LARP4B: variants seen among roughly 807,000 people sequenced by gnomAD.
LARP4B encodes the protein La ribonucleoprotein 4B, also known as la-related protein 4B.
Under a neutral mutation model 89.8 loss-of-function variants are expected in LARP4B, and 12 were observed. That is an observed-to-expected ratio of 0.13 (90% confidence interval 0.09 to 0.22). The LOEUF (loss-of-function observed/expected upper bound fraction) is 0.22, where lower values mean the gene tolerates loss of function less well. Ranked by LOEUF, LARP4B falls within the 10% of genes least tolerant of loss-of-function variation. The probability of loss-of-function intolerance (pLI) is 1.00; values close to 1 mark genes in which losing one functional copy is unlikely to be tolerated. For synonymous variants in LARP4B, 367 were observed against 363.3 expected (o/e 1.01, Z -0.12); for missense variants, 757 against 947.7 (o/e 0.80, Z 2.64).
At chr10:818,054 C>T (rs1832157101) in intron 14 of LARP4B, 165 bp from the exon 15 acceptor site, 1 of 633,454 alleles carries the variant, frequency 1.6e-6, no homozygotes, top group Non-Finnish European at 2.7e-6. Context: ...CTTCAACCAT[C>T]TAGAGCAGAG....
At chr10:864,864 A>T (rs1834817717) in intron 3 of LARP4B, among the ~76,000 whole-genome samples, 2 of 152,112 alleles carry the variant, frequency 1.3e-5, no homozygotes, top group Admixed American at 1.3e-4. Flanking sequence ...GAGGCAGGAG[A>T]ATCACTTGAA....
chr10:825,344 G>A, intron 12 of LARP4B, 28 bp from the exon 13 acceptor site: 1 of 1,608,062 alleles, frequency 6.2e-7, no homozygotes, highest in Non-Finnish European at 8.5e-7. Context: ...TTTATGTGTT[G>A]AGTTATAAAA....
At chr10:971,835 A>G in the LARP4B span, 1 of 153,326 alleles carries the variant, frequency 6.5e-6, no homozygotes, top group Non-Finnish European at 1.5e-5. Flanking sequence ...CAATGTTCTG[A>G]GCGCGGAGTC....
chr10:976,832 T>C, the LARP4B span, among the ~76,000 whole-genome samples: 1 of 150,052 alleles, frequency 6.7e-6, no homozygotes, highest in South Asian at 2.1e-4. Flanking sequence ...AAGGTAGGCC[T>C]GTCATGTAAC....
the LARP4B span, among the ~76,000 whole-genome samples, chr10:966,778 CACAG>C: frequency 1.3e-5 from 2 of 152,202 alleles, no homozygotes; most frequent in Non-Finnish European, 2.9e-5. Flanking sequence ...CTCTGGACCA[CACAG>C]AGAGAGGTAG....
At chr10:864,312 A>G in intron 3 of LARP4B, 42 bp from the exon 4 acceptor site, 1 of 1,606,874 alleles carries the variant, frequency 6.2e-7, no homozygotes, top group Non-Finnish European at 8.5e-7. Context: ...CCAAATGTCA[A>G]CCAAATACAA....
At chr10:859,162 TA>T (rs1197617016) in intron 5 of LARP4B, among the ~76,000 whole-genome samples, 1 of 151,702 alleles carries the variant, frequency 6.6e-6, no homozygotes, top group African/African-American at 2.4e-5. Flanking sequence ...ACCTGTAATC[TA>T]GGCTACTTGG....
chr10:874,828 G>C (rs1835393837), intron 3 of LARP4B, among the ~76,000 whole-genome samples: 1 of 152,082 alleles, frequency 6.6e-6, no homozygotes, highest in South Asian at 2.1e-4. Flanking sequence ...TAAAATTCAA[G>C]TACTGAAATC....
At position 811,958 on chromosome 10, in the gene LARP4B, A is replaced by G. The variant is rs1831754216; in HGVS notation, c.*968T>C. On this transcript the variant is annotated 3_prime_UTR_variant, in exon 18 of 18. Coordinates refer to ENST00000316157, the MANE Select transcript of LARP4B (RefSeq NM_015155.3). ...CTCCACCAGCCAAAGAGGGGGAAAAACCACAAACACCATTCTCTCACGATT... is the reference window on the plus strand; with the variant it reads ...CTCCACCAGCCAAAGAGGGGGAAAAGCCACAAACACCATTCTCTCACGATT... 2.0e-5 allele frequency: 3 copies of G among 152,334 alleles called. No individual in the cohort carries two copies. The highest frequency in any genetic ancestry group is 2.0e-4 in the Admixed American group (3 of 15,278). 9.4% of individuals were successfully genotyped at this position (152,334 alleles called of 1,614,324 possible).
Position 909,016 on chromosome 10 carries a change from C to T in LARP4B, c.-40+22412G>A, listed in dbSNP as rs572893996. Among the ~76,000 whole-genome samples, 313 of 152,048 alleles carry T rather than the reference C, an allele frequency of 2.1e-3. 2 individuals carry two copies. The highest frequency in any genetic ancestry group is 0.014 in the South Asian group (68 of 4,814). On this transcript the variant is annotated intron_variant, in intron 1 of 17. Coordinates refer to ENST00000316157, the MANE Select transcript of LARP4B (RefSeq NM_015155.3). ...GAGCTATGAAATTCCAAGTTGCGGC[C>T]AGGCGCGGTGGCTCATGCCTGTAAT...
chr10:814,857 A>G lies in LARP4B; in HGVS notation c.1821-7T>C. 6.3e-7 allele frequency: 1 copy of G among 1,588,072 alleles called. No homozygotes were observed. Among genetic ancestry groups the G allele is most frequent in the Non-Finnish European group, 8.6e-7 (1 of 1,161,664 alleles). On this transcript the variant is annotated splice_region_variant and splice_polypyrimidine_tract_variant and intron_variant, in intron 16 of 17. Transcript: ENST00000316157. This position sits in a 1 kb window ranked among gnomAD's most constrained non-coding sequence, Gnocchi z 4.4. ...CTCCGCCACCTTGGGATCACTGTAA[A>G]AATGCCACCCGATATTTGAATCTCA...
At chr10:881,988 C>T (rs893736183) in intron 3 of LARP4B, among the ~76,000 whole-genome samples, 5 of 152,166 alleles carry the variant, frequency 3.3e-5, no homozygotes, top group Admixed American at 6.5e-5. Flanking sequence ...GCCTACCAGA[C>T]ACAATGCATT....
chr10:896,683 T>C lies in LARP4B; in HGVS notation c.-39-10923A>G, dbSNP rs115850178. Among the ~76,000 whole-genome samples the C allele has an allele frequency of 2.1e-3, 316 of 152,322 alleles. 1 individual carries two copies. The highest frequency in any genetic ancestry group is 7.2e-3 in the African/African-American group (299 of 41,578). The stretch of plus-strand genomic sequence containing the variant: ...TTAACATAGTAAATACAGACAGAGA[T>C]AAACCACAGATGGAGACAAACCATA... On this transcript the variant is annotated intron_variant, in intron 1 of 17. Transcript: ENST00000316157.
At chr10:813,358 T>C (rs1831845512) in intron 17 of LARP4B, 145 bp from the exon 18 acceptor site, 1 of 774,864 alleles carries the variant, frequency 1.3e-6, no homozygotes, top group South Asian at 2.0e-5. Flanking sequence ...AAAAAGTTCA[T>C]AAAATCTAAT....
chr10:936,047 G>A (rs1171040885), upstream of LARP4B, among the ~76,000 whole-genome samples: 3 of 152,050 alleles, frequency 2.0e-5, no homozygotes, highest in South Asian at 2.1e-4. Context: ...ATTTTATCCC[G>A]AAGCATTTTC....
the LARP4B span, among the ~76,000 whole-genome samples, chr10:940,308 T>C: frequency 2.0e-5 from 3 of 151,144 alleles, no homozygotes; most frequent in African/African-American, 7.3e-5. Flanking sequence ...TGAGCCACCA[T>C]GCGCGGGCTT....
chr10:866,146 T>A (rs1272268660), intron 3 of LARP4B, among the ~76,000 whole-genome samples: 1 of 152,216 alleles, frequency 6.6e-6, no homozygotes, highest in Non-Finnish European at 1.5e-5. Flanking sequence ...GGAGCACCAA[T>A]GAGCACCATG....
intron 1 of LARP4B, among the ~76,000 whole-genome samples, chr10:922,229 C>T (rs548087039): frequency 7.2e-5 from 11 of 152,284 alleles, no homozygotes; most frequent in Admixed American, 5.2e-4. Flanking sequence ...GAGAATCTAG[C>T]GCAACTGCTC....
chr10:900,322 G>A (rs998006087), intron 1 of LARP4B, among the ~76,000 whole-genome samples: 1 of 150,442 alleles, frequency 6.6e-6, no homozygotes, highest in Non-Finnish European at 1.5e-5. Context: ...ACTCCAGCCT[G>A]GCAACAAGAA....
Sources: allele counts gnomAD v4.1 joint callset (sites outside exome capture counted in the v4.1 genomes callset), GRCh38; gene constraint gnomAD v4.1.1; non-coding constraint Gnocchi (gnomAD v3.1); transcripts MANE v1.5; gene names NCBI Gene and HGNC (gene_info 2026-07-23, HGNC 2026-07-21).